Variants in MIR2052HG observed in about 807,000 individuals in gnomAD.
MIR2052HG encodes MIR2052 host gene.
chr8:74,630,200 A>G (rs557438665), intron 2 of MIR2052HG, among the ~76,000 whole-genome samples: 14 of 152,178 alleles, frequency 9.2e-5, no homozygotes, highest in Non-Finnish European at 1.8e-4. Context: ...ATTTTTGTTC[A>G]GCTCAAAATA....
At chr8:74,670,689 T>A (rs1196612267) in intron 2 of MIR2052HG, among the ~76,000 whole-genome samples, 1 of 152,138 alleles carries the variant, frequency 6.6e-6, no homozygotes. Context: ...GAAAAATATT[T>A]CAGGAAGTTG....
chr8:74,659,265 A>C (rs1361379749), intron 2 of MIR2052HG, among the ~76,000 whole-genome samples: 1 of 152,234 alleles, frequency 6.6e-6, no homozygotes, highest in Middle Eastern at 3.2e-3. Context: ...TTTGATGAGT[A>C]AAGTGTAAGT....
At chr8:74,611,408 C>G (rs951197967) in intron 1 of MIR2052HG, among the ~76,000 whole-genome samples, 1 of 151,904 alleles carries the variant, frequency 6.6e-6, no homozygotes, top group Non-Finnish European at 1.5e-5. Context: ...AAGAATTTGG[C>G]GATTTTTAAA....
chr8:74,602,517 TTTC>T (rs1455047122), intron 1 of MIR2052HG, among the ~76,000 whole-genome samples: 53 of 142,462 alleles, frequency 3.7e-4, no homozygotes, highest in African/African-American at 1.3e-3. Flanking sequence ...CTTTTCTTTC[TTTC>T]TTTTTTTTTT....
intron 2 of MIR2052HG, among the ~76,000 whole-genome samples, chr8:74,687,000 T>G (rs184710531): frequency 6.6e-6 from 1 of 152,256 alleles, no homozygotes; most frequent in African/African-American, 2.4e-5. Context: ...GTATCACAGC[T>G]AAAAATGGTA....
chr8:74,626,128 C>T (rs1808432693), intron 2 of MIR2052HG, among the ~76,000 whole-genome samples: 2 of 152,166 alleles, frequency 1.3e-5, no homozygotes, highest in East Asian at 1.9e-4. Flanking sequence ...GAAGTGGGTG[C>T]CCCGGGAGAA....
chr8:74,676,461 TA>T (rs1056814485), intron 2 of MIR2052HG, among the ~76,000 whole-genome samples: 2 of 151,344 alleles, frequency 1.3e-5, no homozygotes, highest in African/African-American at 4.9e-5. Context: ...AAGATTACAT[TA>T]AAAAATAGAA....
rs1184072258 is a variant in MIR2052HG, at chr8:74,609,928, T to A, written n.129-2925T>A. The A allele has an allele frequency of 2.6e-5, 4 of 151,452 alleles. No individual in the cohort carries two copies. In the East Asian group the frequency reaches 7.7e-4, roughly 29 times the overall value. 9.4% of individuals were successfully genotyped at this position (151,452 alleles called of 1,614,324 possible). A position where few individuals can be genotyped will look rare whatever the true frequency, so the allele number is the denominator to read the frequency against. Reference sequence around the variant, plus strand: ...AATATTTACTCTCATCCTTTGTATTTAACATTATATCGAAACTTCCAGCTA... The same window carrying A: ...AATATTTACTCTCATCCTTTGTATTAAACATTATATCGAAACTTCCAGCTA... On this transcript the variant is annotated intron_variant and non_coding_transcript_variant, in intron 1 of 6. Coordinates refer to ENST00000523442, the Ensembl canonical transcript of MIR2052HG.
chr8:74,632,581 G>A (rs762810265), intron 2 of MIR2052HG: 1 of 151,908 alleles, frequency 6.6e-6, no homozygotes, highest in Non-Finnish European at 1.5e-5. Context: ...TAAACTTCAG[G>A]CTTAAAAATT....
At chr8:74,641,946 A>C (rs951446501) in intron 2 of MIR2052HG, among the ~76,000 whole-genome samples, 7 of 152,152 alleles carry the variant, frequency 4.6e-5, no homozygotes, top group African/African-American at 1.7e-4. Context: ...GCCTGGGCCC[A>C]GAAGGCATTG....
chr8:74,602,865 C>CTTTCTTTCTTTCTTTCT lies in MIR2052HG; in HGVS notation n.128+2968_128+2969insCTTTCTTTTCTTTCTTT, dbSNP rs879678607. 4.0e-4 allele frequency among the ~76,000 whole-genome samples: 57 copies of CTTTCTTTCTTTCTTTCT among 142,768 alleles called. 1 individual carries two copies. Among genetic ancestry groups the CTTTCTTTCTTTCTTTCT allele is most frequent in the African/African-American group, 1.4e-3 (54 of 38,316 alleles). 93.7% of individuals were successfully genotyped at this position (142,768 alleles called of 152,430 possible). A position where few individuals can be genotyped will look rare whatever the true frequency, so the allele number is the denominator to read the frequency against. ...TCTTTCTTTCTTTCTTTCTTTCTTT[C>CTTTCTTTCTTTCTTTCT]TTTCTTTCTTTTTTCTATTCACAAA... On this transcript the variant is annotated intron_variant and non_coding_transcript_variant, in intron 1 of 6. Coordinates refer to ENST00000523442, the Ensembl canonical transcript of MIR2052HG.
At chr8:74,667,887 G>C (rs1379238814) in intron 2 of MIR2052HG, among the ~76,000 whole-genome samples, 2 of 152,124 alleles carry the variant, frequency 1.3e-5, no homozygotes, top group Admixed American at 6.6e-5. Flanking sequence ...TCCACATAAA[G>C]CTGGGTTTGG....
At chr8:74,652,027 C>T (rs758003998) in intron 2 of MIR2052HG, among the ~76,000 whole-genome samples, 2 of 152,146 alleles carry the variant, frequency 1.3e-5, no homozygotes, top group Non-Finnish European at 2.9e-5. Context: ...ATTTCTCAGT[C>T]GACTTAGAAC....
intron 4 of MIR2052HG, among the ~76,000 whole-genome samples, chr8:74,728,055 A>C (rs1313809984): frequency 9.2e-5 from 14 of 152,256 alleles, no homozygotes; most frequent in Admixed American, 9.2e-4. Flanking sequence ...AGCATAGGCA[A>C]TGGAAAGTTG....
In MIR2052HG at chr8:74,600,275, T is replaced by C. The variant is rs1439130258; in HGVS notation, n.128+367T>C. Among the ~76,000 whole-genome samples, 3 of 151,226 alleles carry C rather than the reference T, an allele frequency of 2.0e-5. No homozygotes were observed. The East Asian group carries it at 5.8e-4, about 29-fold the overall frequency. ...CCCTGAAAGCTCTGTTTTATTTCTT[T>C]TCTTTTTTTTTTTTGAGATGGAGTT... is the stretch of plus-strand genomic sequence containing the variant. On this transcript the variant is annotated intron_variant and non_coding_transcript_variant, in intron 1 of 6. Transcript: ENST00000523442.
intron 2 of MIR2052HG, among the ~76,000 whole-genome samples, chr8:74,662,631 G>A (rs1808877545): frequency 6.6e-6 from 1 of 152,172 alleles, no homozygotes; most frequent in South Asian, 2.1e-4. Context: ...GAGGGCCTAA[G>A]AAGCCAGACT....
At chr8:74,666,796 T>C (rs145059551) in intron 2 of MIR2052HG, among the ~76,000 whole-genome samples, 2 of 152,310 alleles carry the variant, frequency 1.3e-5, no homozygotes, top group Admixed American at 1.3e-4. Context: ...TCACAGTAGG[T>C]ATAATGAAAC....
intron 2 of MIR2052HG, among the ~76,000 whole-genome samples, chr8:74,657,646 A>C (rs1412503040): frequency 6.6e-6 from 1 of 152,228 alleles, no homozygotes; most frequent in Non-Finnish European, 1.5e-5. Context: ...TCATTGCGGA[A>C]GGTGAAAGGC....
intron 2 of MIR2052HG, among the ~76,000 whole-genome samples, chr8:74,692,196 T>C (rs1201734877): frequency 6.6e-6 from 1 of 152,196 alleles, no homozygotes; most frequent in East Asian, 1.9e-4. Context: ...GTTCAAATGA[T>C]TCTCATGCCT....
Sources: gnomAD v4.1 joint callset for allele counts (sites outside exome capture counted in the v4.1 genomes callset) on GRCh38, gnomAD v4.1.1 for gene constraint, MANE v1.5 for transcripts, NCBI Gene and HGNC (gene_info 2026-07-23, HGNC 2026-07-21) for gene names.